Variants in INO80D observed in about 807,000 individuals in gnomAD.
INO80D encodes INO80 complex subunit D.
A neutral mutation model predicts 87.6 loss-of-function variants in INO80D; 21 were observed. The observed-to-expected ratio is 0.24, with a 90% confidence interval of 0.17 to 0.35. The LOEUF (loss-of-function observed/expected upper bound fraction) is 0.35. INO80D is among the 10% of genes least tolerant of loss of function. The probability of loss-of-function intolerance (pLI) is 1.00; values close to 1 mark genes in which losing one functional copy is unlikely to be tolerated. For synonymous variants in INO80D, 440 were observed against 491.0 expected (o/e 0.90, Z 1.37); for missense variants, 982 against 1,280.7 (o/e 0.77, Z 3.56).
chr2:206,054,183 CTTT>C (rs571731107), intron 4 of INO80D, among the ~76,000 whole-genome samples: 3 of 140,176 alleles, frequency 2.1e-5, no homozygotes, highest in Non-Finnish European at 1.6e-5. Context: ...CTTTTCTTTT[CTTT>C]TTTTTTTTTT....
chr2:206,075,039 C>CAAAAAAAAAAAAAAA (rs56081344), intron 1 of INO80D, among the ~76,000 whole-genome samples: 6 of 117,696 alleles, frequency 5.1e-5, no homozygotes, highest in East Asian at 2.4e-4. Flanking sequence ...AACTCCATCT[C>CAAAAAAAAAAAAAAA]AAAAAAAAAA....
In INO80D at chr2:205,996,682, AC is replaced by A. The variant is rs1374479552; in HGVS notation, c.*7685del. On this transcript the variant is annotated 3_prime_UTR_variant, in exon 11 of 11. Transcript: ENST00000403263. ...TAGATTTATACAAATGTATAAATAA[AC>A]ATAATACTTTTCAATCTTTCCATTG... The A allele has an allele frequency of 6.6e-6, 1 of 152,132 alleles. No homozygotes were observed. Among genetic ancestry groups the A allele is most frequent in the Non-Finnish European group, 1.5e-5 (1 of 67,964 alleles). The allele number at this position is 152,132 out of a possible 1,614,324, so 9.4% of individuals were successfully genotyped here.
At chr2:206,074,492 A>T (rs1348805440) in intron 1 of INO80D, among the ~76,000 whole-genome samples, 1 of 152,198 alleles carries the variant, frequency 6.6e-6, no homozygotes, top group Non-Finnish European at 1.5e-5. Flanking sequence ...GGGTGCCTGT[A>T]ATCCTAGCTA....
In INO80D at chr2:206,062,725, AG is replaced by A; in HGVS notation, c.218+73del. The A allele has an allele frequency of 8.1e-7, 1 of 1,241,278 alleles. No homozygotes were observed. Among genetic ancestry groups the A allele is most frequent in the Non-Finnish European group, 1.1e-6 (1 of 886,642 alleles). 76.9% of individuals were successfully genotyped at this position (1,241,278 alleles called of 1,614,324 possible). Reference sequence around the variant, plus strand: ...GAAATGAAGGACAGAAGAAAAGAGAAGAAAAAACAAGAAAAGAAAAAATTCC... The same window carrying A: ...GAAATGAAGGACAGAAGAAAAGAGAAAAAAAACAAGAAAAGAAAAAATTCC... On this transcript the variant is annotated intron_variant, in intron 3 of 10. Transcript: ENST00000403263. The surrounding 1 kb of genome is among the most constrained non-coding windows in gnomAD (Gnocchi z 4.6).
At chr2:206,016,807 C>T (rs1202036354) in intron 8 of INO80D, among the ~76,000 whole-genome samples, 5 of 151,984 alleles carry the variant, frequency 3.3e-5, no homozygotes, top group South Asian at 2.1e-4. Flanking sequence ...AAATGGGAGT[C>T]GCCCTACACA....
chr2:206,054,237 G>T (rs1204120500), intron 4 of INO80D, among the ~76,000 whole-genome samples: 4 of 149,662 alleles, frequency 2.7e-5, no homozygotes, highest in Non-Finnish European at 5.9e-5. Context: ...GCCCAGATTG[G>T]TCTTGAACTC....
chr2:206,014,445 T>A (rs1052784000), intron 8 of INO80D, among the ~76,000 whole-genome samples: 3 of 152,198 alleles, frequency 2.0e-5, no homozygotes, highest in East Asian at 3.9e-4. Flanking sequence ...TGGGGGCAGG[T>A]CTTTCCCCTG....
intron 1 of INO80D, among the ~76,000 whole-genome samples, chr2:206,064,185 G>A (rs564761091): frequency 3.5e-4 from 53 of 152,068 alleles, no homozygotes; most frequent in Non-Finnish European, 1.2e-4. Flanking sequence ...TAAAATAATC[G>A]TGGCTTATGA....
At chr2:206,044,142 G>A (rs1689131759) in intron 5 of INO80D, among the ~76,000 whole-genome samples, 1 of 152,110 alleles carries the variant, frequency 6.6e-6, no homozygotes, top group South Asian at 2.1e-4. Flanking sequence ...GCAGTGAGCT[G>A]TGATCATGCC....
chr2:206,015,275 ATGGGGAAAATG>A (rs1038861002), intron 8 of INO80D, among the ~76,000 whole-genome samples: 1 of 152,300 alleles, frequency 6.6e-6, no homozygotes. Flanking sequence ...CCCCAAGACA[ATGGGGAAAATG>A]TCTCCAGGGC....
chr2:206,045,630 G>GA (rs982461255), intron 5 of INO80D, among the ~76,000 whole-genome samples: 3 of 151,608 alleles, frequency 2.0e-5, no homozygotes, highest in African/African-American at 7.3e-5. Flanking sequence ...ATAACATGGG[G>GA]AAAAAAACTG....
chr2:206,039,467 G>A (rs1170707267), intron 5 of INO80D, among the ~76,000 whole-genome samples: 2 of 151,948 alleles, frequency 1.3e-5, no homozygotes, highest in Non-Finnish European at 2.9e-5. Context: ...CTTGGTTCTG[G>A]GCTTAGTGGC....
chr2:206,058,336 G>A (rs367753748), intron 3 of INO80D, among the ~76,000 whole-genome samples: 2 of 149,286 alleles, frequency 1.3e-5, no homozygotes, highest in Non-Finnish European at 3.0e-5. Flanking sequence ...GGAGAATGGC[G>A]CGAACCCCGG....
At chr2:206,019,518 C>A (rs1443582788) in intron 7 of INO80D, among the ~76,000 whole-genome samples, 1 of 152,150 alleles carries the variant, frequency 6.6e-6, no homozygotes, top group Non-Finnish European at 1.5e-5. Flanking sequence ...ACTGGAGGAA[C>A]CTGCTATTTG....
intron 9 of INO80D, among the ~76,000 whole-genome samples, chr2:206,008,401 C>T (rs1688084472): frequency 6.6e-6 from 1 of 151,742 alleles, no homozygotes; most frequent in African/African-American, 2.4e-5. Flanking sequence ...CTGCCTCAGC[C>T]TCCTGAGTAG....
chr2:206,061,760 A>G (rs1689696574), intron 3 of INO80D, among the ~76,000 whole-genome samples: 1 of 152,248 alleles, frequency 6.6e-6, no homozygotes, highest in African/African-American at 2.4e-5. Context: ...TGTAAAAAGT[A>G]TTCATGACAC....
chr2:206,058,418 C>CAA lies in INO80D; in HGVS notation c.219-1477_219-1476dup, dbSNP rs59790218. On this transcript the variant is annotated intron_variant, in intron 3 of 10. Coordinates refer to ENST00000403263, the MANE Select transcript of INO80D (RefSeq NM_017759.5). The stretch of plus-strand genomic sequence containing the variant: ...CAGGTGAGAGTGCCAGACTCTGTCT[C>CAA]AAAAAAAAAAAAAAAAAAAAAAAAC... Among the ~76,000 whole-genome samples the CAA allele has an allele frequency of 7.2e-3, 903 of 125,040 alleles. 8 individuals are homozygous for CAA. Among genetic ancestry groups the CAA allele is most frequent in the African/African-American group, 0.025 (713 of 28,664 alleles). 82.0% of individuals were successfully genotyped at this position (125,040 alleles called of 152,430 possible).
chr2:206,047,510 C>T (rs1026833452), intron 4 of INO80D, among the ~76,000 whole-genome samples: 2 of 151,980 alleles, frequency 1.3e-5, no homozygotes, highest in Non-Finnish European at 2.9e-5. Flanking sequence ...TGAGCCACCA[C>T]ATCTGGCCAG....
intron 6 of INO80D, 27 bp from the exon 7 acceptor site, chr2:206,019,872 T>C (rs1575808949): frequency 4.4e-6 from 3 of 684,932 alleles, no homozygotes; most frequent in African/African-American, 1.8e-5. Context: ...AGAGAATTAA[T>C]TTTTTTTTAA....
Sources: allele counts gnomAD v4.1 joint callset (sites outside exome capture counted in the v4.1 genomes callset), GRCh38; gene constraint gnomAD v4.1.1; non-coding constraint Gnocchi (gnomAD v3.1); transcripts MANE v1.5; gene names NCBI Gene and HGNC (gene_info 2026-07-23, HGNC 2026-07-21).